ADGRA3: variants seen among roughly 807,000 people sequenced by gnomAD.
ADGRA3 encodes the protein G-protein coupled receptor 125.
Under a neutral mutation model 119.8 loss-of-function variants are expected in ADGRA3, and 56 were observed. The observed-to-expected ratio is 0.47, with a 90% confidence interval of 0.38 to 0.58. The LOEUF (loss-of-function observed/expected upper bound fraction) is 0.58. ADGRA3 is among the 20% of genes least tolerant of loss of function. The probability of loss-of-function intolerance (pLI) is 0.00; values close to 1 mark genes in which losing one functional copy is unlikely to be tolerated. For missense variants in ADGRA3, 1,516 were observed against 1,649.0 expected, an observed-to-expected ratio of 0.92 and a Z score of 1.40; for synonymous variants, 607 against 623.8, an observed-to-expected ratio of 0.97 and a Z score of 0.40.
chr4:22,461,639 A>C, intron 3 of ADGRA3, 98 bp downstream of exon 3: 2 of 885,968 alleles, frequency 2.3e-6, no homozygotes, highest in Non-Finnish European at 3.5e-6. Context: ...AAGCTCAAAA[A>C]ATTATTAAAT....
At chr4:22,389,501 CTTT>C (rs529490358) in intron 17 of ADGRA3, among the ~76,000 whole-genome samples, 1 of 143,634 alleles carries the variant, frequency 7.0e-6, no homozygotes, top group Non-Finnish European at 1.5e-5. Context: ...CTTACTCTTA[CTTT>C]TTTTTTTTTT....
intron 10 of ADGRA3, among the ~76,000 whole-genome samples, chr4:22,427,024 T>C (rs1298969387): frequency 6.6e-6 from 1 of 152,188 alleles, no homozygotes; most frequent in Non-Finnish European, 1.5e-5. Flanking sequence ...AAGTCCAAAG[T>C]CTTAATGGGA....
At chr4:22,414,191 T>C (rs1433781245) in intron 12 of ADGRA3, 1 of 210,592 alleles carries the variant, frequency 4.7e-6, no homozygotes, top group Admixed American at 5.4e-5. Context: ...GAAGCACAAA[T>C]GTAGCATATC....
intron 1 of ADGRA3, among the ~76,000 whole-genome samples, chr4:22,513,073 C>T (rs1719504944): frequency 6.6e-6 from 1 of 151,972 alleles, no homozygotes; most frequent in African/African-American, 2.4e-5. Context: ...AATGAGGAAA[C>T]TGGCCCATAA....
intron 14 of ADGRA3, among the ~76,000 whole-genome samples, chr4:22,411,862 A>T (rs1286449895): frequency 6.6e-6 from 1 of 152,140 alleles, no homozygotes; most frequent in Non-Finnish European, 1.5e-5. Flanking sequence ...CAATGAAAAG[A>T]TAATCCCTTT....
intron 1 of ADGRA3, among the ~76,000 whole-genome samples, chr4:22,482,479 G>A (rs1718287133): frequency 8.3e-6 from 1 of 120,978 alleles, no homozygotes; most frequent in African/African-American, 3.0e-5. Context: ...AACACAGTGA[G>A]ACCCCAACTC....
chr4:22,456,263 T>C (rs1717232394), intron 3 of ADGRA3, among the ~76,000 whole-genome samples: 1 of 152,194 alleles, frequency 6.6e-6, no homozygotes, highest in Non-Finnish European at 1.5e-5. Context: ...TTGAGAGGCC[T>C]CAATGGCTGG....
chr4:22,393,422 C>T (rs1396186963), intron 16 of ADGRA3: 2 of 152,168 alleles, frequency 1.3e-5, no homozygotes. Flanking sequence ...GAATAAGTTC[C>T]AGAGTAAGAG....
chr4:22,459,685 TAAA>T (rs1230427797), intron 3 of ADGRA3, among the ~76,000 whole-genome samples: 2 of 151,346 alleles, frequency 1.3e-5, no homozygotes, highest in East Asian at 3.9e-4. Flanking sequence ...AAAGAAAACT[TAAA>T]GAAGTATATA....
intron 3 of ADGRA3, among the ~76,000 whole-genome samples, chr4:22,458,738 C>T (rs73245202): frequency 6.6e-6 from 1 of 152,162 alleles, no homozygotes; most frequent in Non-Finnish European, 1.5e-5. Flanking sequence ...ATAATGCTTA[C>T]CTTCCTTACC....
At chr4:22,507,101 A>G (rs772045488) in intron 1 of ADGRA3, among the ~76,000 whole-genome samples, 1 of 151,884 alleles carries the variant, frequency 6.6e-6, no homozygotes, top group African/African-American at 2.4e-5. Context: ...TTAGCCGGGC[A>G]TGGTGGCGGG....
rs769005255 is a variant in ADGRA3, at chr4:22,515,678, G to GCGC, written c.104_106dup (p.Gly35dup). 372 of 1,140,566 alleles carry GCGC rather than the reference G, an allele frequency of 3.3e-4. No homozygotes were observed. Among genetic ancestry groups the GCGC allele is most frequent in the East Asian group, 4.5e-4 (9 of 19,954 alleles). The allele number at this position is 1,140,566 out of a possible 1,614,324, so 70.7% of individuals were successfully genotyped here. A position where few individuals can be genotyped will look rare whatever the true frequency, so the allele number is the denominator to read the frequency against. On this transcript the variant is annotated inframe_insertion, in exon 1 of 19. Transcript: ENST00000334304. Reference sequence around the variant, plus strand: ...CTTGCAGCCGGCGGGCAGCGCCGCGGCGCCGCCGCCGCCGCCGCCTCCCAG... The same window carrying GCGC: ...CTTGCAGCCGGCGGGCAGCGCCGCGGCGCCGCCGCCGCCGCCGCCGCCTCCCAG...
chr4:22,447,330 C>A, intron 5 of ADGRA3, 110 bp downstream of exon 5: 1 of 684,674 alleles, frequency 1.5e-6, no homozygotes, highest in South Asian at 2.0e-5. Flanking sequence ...GAGACTCTAC[C>A]TTGACAAGAT....
At chr4:22,463,788 T>C (rs773796029) in intron 2 of ADGRA3, among the ~76,000 whole-genome samples, 1 of 152,230 alleles carries the variant, frequency 6.6e-6, no homozygotes, top group South Asian at 2.1e-4. Context: ...GTTGGCCCTT[T>C]GCTCAGCAGC....
intron 5 of ADGRA3, 103 bp downstream of exon 5, chr4:22,447,337 A>G: frequency 2.8e-6 from 2 of 714,812 alleles, no homozygotes; most frequent in Non-Finnish European, 4.7e-6. Flanking sequence ...TACCTTGACA[A>G]GATTGTCCTC....
At chr4:22,500,200 T>A (rs751678012) in intron 1 of ADGRA3, among the ~76,000 whole-genome samples, 3 of 150,802 alleles carry the variant, frequency 2.0e-5, no homozygotes, top group Non-Finnish European at 4.4e-5. Flanking sequence ...TACAAAGGCT[T>A]ACCCCAACAC....
At chr4:22,416,411 T>A (rs1428928259) in intron 12 of ADGRA3, among the ~76,000 whole-genome samples, 1 of 152,130 alleles carries the variant, frequency 6.6e-6, no homozygotes, top group African/African-American at 2.4e-5. Flanking sequence ...GAACATGAGA[T>A]CTGAAATAAA....
At chr4:22,424,038 T>TATAACTTATAAAATGTC in intron 11 of ADGRA3, among the ~76,000 whole-genome samples, 153 bp downstream of exon 11, 1 of 152,214 alleles carries the variant, frequency 6.6e-6, no homozygotes, top group South Asian at 2.1e-4. Context: ...TATAAAATGT[T>TATAACTTATAAAATGTC]ATAACTTATA....
rs930228104 is a variant in ADGRA3 at position 22,454,358 on chromosome 4, T to A, written c.473+508A>T. Among the ~76,000 whole-genome samples the A allele has an allele frequency of 2.0e-5, 3 of 152,288 alleles. No homozygotes were observed. The South Asian group carries it at 6.2e-4, about 32-fold the overall frequency. ...GAAAAGTTCAGAAAAGTCAAACAAT[T>A]CACCCCAGATCACATGGTCAGAGGC... On this transcript the variant is annotated intron_variant, in intron 4 of 18. Coordinates refer to ENST00000334304, the MANE Select transcript of ADGRA3 (RefSeq NM_145290.4).
Sources: gnomAD v4.1 joint callset for allele counts (sites outside exome capture counted in the v4.1 genomes callset) on GRCh38, gnomAD v4.1.1 for gene constraint, MANE v1.5 for transcripts, NCBI Gene and HGNC (gene_info 2026-07-23, HGNC 2026-07-21) for gene names.